The following DACH1 variants were observed in gnomAD, a reference collection of about 807,000 sequenced individuals.
DACH1 encodes dachshund family transcription factor 1.
In DACH1, 12 loss-of-function variants were observed where a neutral mutation model predicts 54.2. The observed-to-expected ratio is 0.22, with a 90% confidence interval of 0.14 to 0.36. The LOEUF is 0.36. Ranked by LOEUF, DACH1 falls within the 10% of genes least tolerant of loss-of-function variation. The probability of loss-of-function intolerance (pLI) is 1.00; values close to 1 mark genes in which losing one functional copy is unlikely to be tolerated. For synonymous variants in DACH1, 386 were observed against 366.2 expected, an observed-to-expected ratio of 1.05 and a Z score of -0.62; for missense variants, 805 against 929.8, an observed-to-expected ratio of 0.87 and a Z score of 1.75.
intron 3 of DACH1, among the ~76,000 whole-genome samples, chr13:71,612,634 T>C (rs940946153): frequency 3.9e-5 from 6 of 152,152 alleles, no homozygotes; most frequent in Admixed American, 2.6e-4. Flanking sequence ...TACTCATCTG[T>C]AAAGTGGAAA....
chr13:71,859,071 T>C (rs961557006), intron 1 of DACH1, among the ~76,000 whole-genome samples: 7 of 151,748 alleles, frequency 4.6e-5, no homozygotes, highest in Non-Finnish European at 1.0e-4. Context: ...AATTAAACAA[T>C]GACATAGTGA....
At chr13:71,781,237 C>G (rs1422405862) in intron 1 of DACH1, among the ~76,000 whole-genome samples, 1 of 152,130 alleles carries the variant, frequency 6.6e-6, no homozygotes, top group African/African-American at 2.4e-5. Flanking sequence ...ACAAACAAAT[C>G]CTGTGGGAAC....
At chr13:71,742,197 G>C (rs1884417835) in intron 1 of DACH1, among the ~76,000 whole-genome samples, 1 of 152,122 alleles carries the variant, frequency 6.6e-6, no homozygotes, top group South Asian at 2.1e-4. Flanking sequence ...GTCTACCCAG[G>C]TATGTGGAAC....
rs78843022 is a variant in DACH1, at chr13:71,750,250, C to G, written c.849-68340G>C. Among the ~76,000 whole-genome samples, 941 of 152,316 alleles carry G rather than the reference C, an allele frequency of 6.2e-3. 11 individuals are homozygous for G. Among genetic ancestry groups the G allele is most frequent in the African/African-American group, 0.021 (888 of 41,576 alleles). ...ATACCTGAGCTTCTTGAAATACACT[C>G]TCTTTGCATGCCAGTAGCAACCACT... is the stretch of plus-strand genomic sequence containing the variant. On this transcript the variant is annotated intron_variant, in intron 1 of 10. Transcript: ENST00000613252.
intron 1 of DACH1, among the ~76,000 whole-genome samples, chr13:71,810,537 A>C (rs561038409): frequency 6.6e-6 from 1 of 152,330 alleles, no homozygotes; most frequent in Non-Finnish European, 1.5e-5. Flanking sequence ...AAGTATAAGT[A>C]ATAAAATAAT....
At chr13:71,476,344 T>C (rs1464079765) in intron 8 of DACH1, among the ~76,000 whole-genome samples, 1 of 152,212 alleles carries the variant, frequency 6.6e-6, no homozygotes, top group Non-Finnish European at 1.5e-5. Context: ...CCAACTCAGT[T>C]TTTAATAATT....
In DACH1 at chr13:71,557,969, A is replaced by G. The variant is rs570661796; in HGVS notation, c.1436-811T>C. 2.8e-5 allele frequency among the ~76,000 whole-genome samples: 4 copies of G among 141,384 alleles called. No homozygotes were observed. In the East Asian group the frequency reaches 8.6e-4, roughly 30 times the overall value. The allele number at this position is 141,384 out of a possible 152,430, so 92.8% of individuals were successfully genotyped here. On this transcript the variant is annotated intron_variant, in intron 5 of 10. Transcript: ENST00000613252. ...ATCATAGATTGGCTTTTGCAGCTAG[A>G]AAAAAAAAAAAATCTTGCTTTAAAA... is the stretch of plus-strand genomic sequence containing the variant.
chr13:71,732,650 T>C (rs561814104), intron 1 of DACH1, among the ~76,000 whole-genome samples: 98 of 150,302 alleles, frequency 6.5e-4, no homozygotes, highest in African/African-American at 2.3e-3. Context: ...CAGCAAATAA[T>C]AGTCTGTAGG....
At chr13:71,536,850 T>A (rs1882842156) in intron 6 of DACH1, among the ~76,000 whole-genome samples, 1 of 152,046 alleles carries the variant, frequency 6.6e-6, no homozygotes, top group Non-Finnish European at 1.5e-5. Flanking sequence ...TCAATCCATT[T>A]CTCTCCACTT....
At chr13:71,738,413 G>T (rs1288986741) in intron 1 of DACH1, among the ~76,000 whole-genome samples, 1 of 152,062 alleles carries the variant, frequency 6.6e-6, no homozygotes, top group African/African-American at 2.4e-5. Flanking sequence ...GATCAGGATG[G>T]AAACAAGCAA....
chr13:71,552,003 G>C (rs1427695253), intron 6 of DACH1, among the ~76,000 whole-genome samples: 2 of 151,994 alleles, frequency 1.3e-5, no homozygotes, highest in Non-Finnish European at 2.9e-5. Flanking sequence ...AAATCCCCTG[G>C]ATTTCCTGCC....
chr13:71,440,603 G>T lies in DACH1; in HGVS notation c.*52C>A, dbSNP rs1213754134. 1.4e-6 allele frequency: 2 copies of T among 1,446,540 alleles called. No homozygotes were observed. The highest frequency in any genetic ancestry group is 4.8e-5 in the East Asian group (2 of 42,080). The allele number at this position is 1,446,540 out of a possible 1,614,324, so 89.6% of individuals were successfully genotyped here. ...TTTTCTGAACTTTCCCATGACGAAT[G>T]TCTGACTGCAAAGTTCTTTTCTATA... is the stretch of plus-strand genomic sequence containing the variant. On this transcript the variant is annotated 3_prime_UTR_variant, in exon 11 of 11. Transcript: ENST00000613252.
chr13:71,566,932 AT>A (rs752808619), intron 4 of DACH1, among the ~76,000 whole-genome samples: 23 of 152,130 alleles, frequency 1.5e-4, no homozygotes, highest in Non-Finnish European at 2.8e-4. Flanking sequence ...ATGATGTCAC[AT>A]TGCTCTAAGA....
chr13:71,703,913 G>A (rs972199038), intron 1 of DACH1, among the ~76,000 whole-genome samples: 32 of 152,126 alleles, frequency 2.1e-4, no homozygotes, highest in African/African-American at 7.7e-4. Flanking sequence ...AATAATCCAA[G>A]ACCGTCTGTC....
intron 3 of DACH1, among the ~76,000 whole-genome samples, chr13:71,585,321 T>A (rs1873161951): frequency 6.6e-6 from 1 of 152,148 alleles, no homozygotes; most frequent in Admixed American, 6.5e-5. Flanking sequence ...GGAAAAAAAA[T>A]ATATTTCAAA....
At chr13:71,513,445 T>TA (rs1044636559) in intron 6 of DACH1, among the ~76,000 whole-genome samples, 2 of 152,022 alleles carry the variant, frequency 1.3e-5, no homozygotes, top group Admixed American at 6.6e-5. Flanking sequence ...GATAATACAG[T>TA]ATTTGCAAAA....
At chr13:71,503,318 C>T (rs759897852) in intron 6 of DACH1, among the ~76,000 whole-genome samples, 81 of 152,136 alleles carry the variant, frequency 5.3e-4, no homozygotes, top group Non-Finnish European at 9.8e-4. Flanking sequence ...ATGCCTGGCA[C>T]ATAACATATT....
chr13:71,693,561 G>A (rs367795596), intron 1 of DACH1, among the ~76,000 whole-genome samples: 20 of 145,974 alleles, frequency 1.4e-4, no homozygotes, highest in African/African-American at 5.1e-4. Context: ...CTGGTGATCC[G>A]CCCGCCTCGG....
chr13:71,647,003 C>T (rs1878323553), intron 2 of DACH1, among the ~76,000 whole-genome samples: 1 of 152,172 alleles, frequency 6.6e-6, no homozygotes, highest in African/African-American at 2.4e-5. Flanking sequence ...GCATGGGTAG[C>T]ATTATGTATA....
Sources: allele counts gnomAD v4.1 joint callset (sites outside exome capture counted in the v4.1 genomes callset), GRCh38; gene constraint gnomAD v4.1.1; transcripts MANE v1.5; gene names NCBI Gene and HGNC (gene_info 2026-07-23, HGNC 2026-07-21).